Variants in CDH13 observed in about 807,000 individuals in gnomAD.
The protein encoded by CDH13 is cadherin 13, also known as cadherin-13.
Under a neutral mutation model 63.8 loss-of-function variants are expected in CDH13, and 24 were observed. The observed-to-expected ratio is 0.38, with a 90% confidence interval of 0.27 to 0.53. The LOEUF (loss-of-function observed/expected upper bound fraction) is 0.53. Among genes scored for constraint, CDH13 ranks in the 20% least tolerant of loss-of-function variants. CDH13 has a pLI of 0.85. For synonymous variants in CDH13, 503 were observed against 355.3 expected (o/e 1.42, Z -4.67); for missense variants, 1,049 against 903.1 (o/e 1.16, Z -2.07).
chr16:82,963,880 G>A (rs1266519118), intron 2 of CDH13, among the ~76,000 whole-genome samples: 7 of 152,274 alleles, frequency 4.6e-5, no homozygotes, highest in East Asian at 1.9e-4. Flanking sequence ...CAAGGGCACC[G>A]GAAAGCCAGG....
intron 1 of CDH13, among the ~76,000 whole-genome samples, chr16:82,695,154 G>T (rs187107326): frequency 6.6e-6 from 1 of 152,268 alleles, no homozygotes; most frequent in Non-Finnish European, 1.5e-5. Context: ...GGTGGGCCGA[G>T]TCCAGACCCT....
chr16:83,611,516 T>C (rs1567804173), intron 8 of CDH13, among the ~76,000 whole-genome samples: 2 of 152,094 alleles, frequency 1.3e-5, no homozygotes, highest in African/African-American at 2.4e-5. Flanking sequence ...TTGTGGATTT[T>C]TCTCTATTGG....
At chr16:82,932,177 A>C (rs1012265778) in intron 2 of CDH13, among the ~76,000 whole-genome samples, 1 of 152,206 alleles carries the variant, frequency 6.6e-6, no homozygotes, top group African/African-American at 2.4e-5. Context: ...ATATAGATGT[A>C]GGCAAATCAT....
intron 5 of CDH13, among the ~76,000 whole-genome samples, chr16:83,247,332 G>T: frequency 6.6e-6 from 1 of 152,152 alleles, no homozygotes; most frequent in Non-Finnish European, 1.5e-5. Flanking sequence ...TCCAGGTGAG[G>T]AACTCAGTGG....
At chr16:83,666,962 G>A (rs555735848) in intron 8 of CDH13, among the ~76,000 whole-genome samples, 11 of 152,196 alleles carry the variant, frequency 7.2e-5, no homozygotes, top group African/African-American at 2.6e-4. Flanking sequence ...AATATATCAT[G>A]TCTGTTTTGT....
At chr16:83,243,246 T>C (rs1036001894) in intron 5 of CDH13, among the ~76,000 whole-genome samples, 4 of 152,170 alleles carry the variant, frequency 2.6e-5, no homozygotes, top group African/African-American at 9.7e-5. Context: ...TACCTGCGAC[T>C]GGGTAATTTA....
At position 82,719,296 on chromosome 16, in the gene CDH13, G is replaced by A. The variant is rs141453561; in HGVS notation, c.45+92159G>A. ...GGCCTGAGTCTATCTGGGACAGGTG[G>A]TGTGGAGATGCACTGTTACTAAAGA... On this transcript the variant is annotated intron_variant, in intron 1 of 13. Transcript: ENST00000567109. 3.4e-3 allele frequency: 1,532 copies of A among 451,120 alleles called. 12 individuals are homozygous for A. The highest frequency in any genetic ancestry group is 4.5e-3 in the Non-Finnish European group (1,008 of 224,846). 27.9% of individuals were successfully genotyped at this position (451,120 alleles called of 1,614,324 possible). A position where few individuals can be genotyped will look rare whatever the true frequency, so the allele number is the denominator to read the frequency against.
At chr16:83,310,942 G>A (rs2089986179) in intron 5 of CDH13, among the ~76,000 whole-genome samples, 1 of 152,180 alleles carries the variant, frequency 6.6e-6, no homozygotes, top group African/African-American at 2.4e-5. Flanking sequence ...CAATCCACCT[G>A]ACAGGAAGTT....
chr16:83,051,694 C>G (rs1285707563), intron 3 of CDH13, among the ~76,000 whole-genome samples: 3 of 152,224 alleles, frequency 2.0e-5, no homozygotes, highest in Non-Finnish European at 2.9e-5. Context: ...AAGTAAACCT[C>G]TGCTTATGGA....
At chr16:83,193,225 C>G (rs1272859123) in intron 4 of CDH13, among the ~76,000 whole-genome samples, 4 of 151,696 alleles carry the variant, frequency 2.6e-5, no homozygotes, top group Non-Finnish European at 4.4e-5. Flanking sequence ...ATCCTAGATG[C>G]TAGCTCTTTA....
At chr16:83,535,855 G>GGGAA (rs1319204506) in intron 7 of CDH13, among the ~76,000 whole-genome samples, 4 of 148,832 alleles carry the variant, frequency 2.7e-5, no homozygotes, top group Non-Finnish European at 5.9e-5. Context: ...GAGGGAGGGA[G>GGGAA]GGAAGGAAGG....
chr16:82,827,461 T>A (rs952816601), intron 1 of CDH13, among the ~76,000 whole-genome samples: 5 of 152,118 alleles, frequency 3.3e-5, no homozygotes, highest in African/African-American at 1.2e-4. Context: ...GGAGAGGCTG[T>A]GATGCATTTC....
chr16:83,623,458 A>T (rs1375707531), intron 8 of CDH13, among the ~76,000 whole-genome samples: 2 of 152,206 alleles, frequency 1.3e-5, no homozygotes, highest in Non-Finnish European at 2.9e-5. Flanking sequence ...CCTTGAGGGC[A>T]GACAGAGCTT....
intron 3 of CDH13, among the ~76,000 whole-genome samples, chr16:83,084,910 A>G (rs2033484147): frequency 6.6e-6 from 1 of 152,192 alleles, no homozygotes; most frequent in Non-Finnish European, 1.5e-5. Context: ...TAGGTTGAGT[A>G]AGTAGAGGTG....
At chr16:82,804,758 A>C (rs1288258816) in intron 1 of CDH13, among the ~76,000 whole-genome samples, 2 of 152,210 alleles carry the variant, frequency 1.3e-5, no homozygotes, top group Non-Finnish European at 1.5e-5. Context: ...TATCTCACAG[A>C]GAAGAAAACA....
chr16:82,893,995 A>T (rs575851885), intron 2 of CDH13, among the ~76,000 whole-genome samples: 9 of 151,758 alleles, frequency 5.9e-5, no homozygotes, highest in African/African-American at 2.2e-4. Flanking sequence ...GCCAGCCACT[A>T]TCCTGTTTTA....
intron 1 of CDH13, among the ~76,000 whole-genome samples, chr16:82,692,397 G>A (rs1040662459): frequency 1.3e-5 from 2 of 152,202 alleles, no homozygotes; most frequent in African/African-American, 4.8e-5. Context: ...CACAATCATG[G>A]TGGAAGGCGA....
chr16:83,444,261 CATTG>C (rs2072596826), intron 6 of CDH13, among the ~76,000 whole-genome samples: 1 of 152,122 alleles, frequency 6.6e-6, no homozygotes, highest in Non-Finnish European at 1.5e-5. Flanking sequence ...TAGAGGCTTA[CATTG>C]ATTGAACCCT....
intron 5 of CDH13, among the ~76,000 whole-genome samples, chr16:83,238,077 G>A (rs1042326389): frequency 6.8e-6 from 1 of 146,042 alleles, no homozygotes; most frequent in Non-Finnish European, 1.5e-5. Context: ...ATCTCAGCCT[G>A]TAGCATTAGA....
Sources: gnomAD v4.1 joint callset for allele counts (sites outside exome capture counted in the v4.1 genomes callset) on GRCh38, gnomAD v4.1.1 for gene constraint, MANE v1.5 for transcripts, NCBI Gene and HGNC (gene_info 2026-07-23, HGNC 2026-07-21) for gene names.